Variants in PET117 observed in about 807,000 individuals in gnomAD.
PET117 encodes protein PET117 homolog, mitochondrial.
A neutral mutation model predicts 9.2 loss-of-function variants in PET117; 10 were observed. The observed-to-expected ratio is 1.09, with a 90% CI of 0.67 to 1.85. PET117 has a LOEUF of 1.85. Ranked by LOEUF, PET117 falls within the 40% of genes most tolerant of loss-of-function variation. The probability of loss-of-function intolerance (pLI) is 0.00; values close to 1 mark genes in which losing one functional copy is unlikely to be tolerated. For missense variants in PET117, 96 were observed against 98.2 expected (o/e 0.98, Z 0.09); for synonymous variants, 43 against 37.1 (o/e 1.16, Z -0.57).
At chr20:18,140,332 A>G (rs1600212213) in intron 1 of PET117, among the ~76,000 whole-genome samples, 1 of 152,234 alleles carries the variant, frequency 6.6e-6, no homozygotes, top group South Asian at 2.1e-4. Context: ...GTTGAGTTAT[A>G]TCAATCCCGG....
At chr20:18,138,295 G>C (rs1420012446) in intron 1 of PET117, 1 of 1,198,218 alleles carries the variant, frequency 8.3e-7, no homozygotes, top group African/African-American at 1.6e-5. Context: ...CCGGCTTAGC[G>C]CCTTTGGAGC....
At chr20:18,141,801 T>G (rs984805819) in intron 1 of PET117, among the ~76,000 whole-genome samples, 1 of 152,152 alleles carries the variant, frequency 6.6e-6, no homozygotes, top group Non-Finnish European at 1.5e-5. Flanking sequence ...GGAGAATCAC[T>G]TGAACCCAGG....
chr20:18,142,199 C>G lies in PET117; in HGVS notation c.97-9C>G, dbSNP rs749629494. ...GGATGTTACTGAAATCTGTTTCTTA[C>G]GTTTTTAGAGGCTTCGTGACGGAGT... is the stretch of plus-strand genomic sequence containing the variant. On this transcript the variant is annotated splice_polypyrimidine_tract_variant and intron_variant, in intron 1 of 1. Coordinates refer to ENST00000432901, the MANE Select transcript of PET117 (RefSeq NM_001164811.2). 29 of 1,535,446 alleles carry G rather than the reference C, an allele frequency of 1.9e-5. No homozygotes were observed. Among genetic ancestry groups the G allele is most frequent in the East Asian group, 2.4e-5 (1 of 40,892 alleles).
chr20:18,138,645 G>C (rs2037397238), intron 1 of PET117: 1 of 193,802 alleles, frequency 5.2e-6, no homozygotes, highest in Admixed American at 6.5e-5. Context: ...TAAATGAACA[G>C]TTTGCTATGG....
At chr20:18,138,460 C>T (rs1250420341) in intron 1 of PET117, 3 of 992,460 alleles carry the variant, frequency 3.0e-6, no homozygotes, top group Non-Finnish European at 3.6e-6. Context: ...GAAGGAGTTT[C>T]TTGGGGTGCA....
intron 1 of PET117, among the ~76,000 whole-genome samples, chr20:18,141,990 TAAG>T (rs535118802): frequency 1.3e-3 from 205 of 152,312 alleles, no homozygotes; most frequent in African/African-American, 4.4e-3. Context: ...TAAAATATGA[TAAG>T]AAATCATTTC....
chr20:18,139,039 A>C (rs1007136968), intron 1 of PET117, among the ~76,000 whole-genome samples: 16 of 152,168 alleles, frequency 1.1e-4, no homozygotes, highest in African/African-American at 3.9e-4. Context: ...TGATTTGCCT[A>C]CCCAGACCTT....
At chr20:18,138,322 C>T in intron 1 of PET117, 1 of 1,152,622 alleles carries the variant, frequency 8.7e-7, no homozygotes, top group Non-Finnish European at 1.1e-6. Context: ...CTGAAGGGGC[C>T]TTGCTCCGCA....
At chr20:18,140,269 T>C (rs983765838) in intron 1 of PET117, among the ~76,000 whole-genome samples, 9 of 151,986 alleles carry the variant, frequency 5.9e-5, no homozygotes, top group Admixed American at 4.6e-4. Context: ...CCTCCGTTTT[T>C]GTCTCAGTGG....
At position 18,142,731 on chromosome 20, in the gene PET117, C is replaced by T; in HGVS notation, c.*374C>T. On this transcript the variant is annotated 3_prime_UTR_variant, in exon 2 of 2. Transcript: ENST00000432901. ...GACGAAGCCACGAGAACATCGACCT[C>T]AGAAGGACTGGAGGAAGGTGAAGTG... 1 of 1,614,180 alleles carries T rather than the reference C, an allele frequency of 6.2e-7. No individual in the cohort carries two copies. Among genetic ancestry groups the T allele is most frequent in the East Asian group, 2.2e-5 (1 of 44,874 alleles).
chr20:18,140,788 C>T lies in PET117; in HGVS notation c.97-1420C>T, dbSNP rs561630327. On this transcript the variant is annotated intron_variant, in intron 1 of 1. Coordinates refer to ENST00000432901, the MANE Select transcript of PET117 (RefSeq NM_001164811.2). ...GATCGTGCCATGGAGCCAAGATCTC[C>T]AGCCTGGGTGACAGAACGAGACTCC... Among the ~76,000 whole-genome samples, 261 of 133,908 alleles carry T rather than the reference C, an allele frequency of 1.9e-3. 1 individual carries two copies. Among genetic ancestry groups the T allele is most frequent in the East Asian group, 9.3e-4 (4 of 4,282 alleles). The allele number at this position is 133,908 out of a possible 152,430, so 87.8% of individuals were successfully genotyped here.
rs911475101 is a variant in PET117, at chr20:18,143,154, T to C, written c.*797T>C. ...CACTTTTGGTGGTAACTCAATAAAA[T>C]TGAGAAAATTGGAAATCCTGTGTTA... is the stretch of plus-strand genomic sequence containing the variant. On this transcript the variant is annotated 3_prime_UTR_variant, in exon 2 of 2. Transcript: ENST00000432901. 21 of 1,243,800 alleles carry C rather than the reference T, an allele frequency of 1.7e-5. No individual in the cohort carries two copies. The highest frequency in any genetic ancestry group is 2.1e-5 in the Non-Finnish European group (21 of 989,418). 77.0% of individuals were successfully genotyped at this position (1,243,800 alleles called of 1,614,324 possible).
chr20:18,139,719 C>G (rs1356929439), intron 1 of PET117, among the ~76,000 whole-genome samples: 1 of 150,582 alleles, frequency 6.6e-6, no homozygotes, highest in Admixed American at 6.7e-5. Context: ...TAGGGGCTTA[C>G]ATTGTATTAA....
At chr20:18,141,051 T>TTTTTTTTTTTTTTTTTTTTG (rs58888387) in intron 1 of PET117, among the ~76,000 whole-genome samples, 9 of 109,712 alleles carry the variant, frequency 8.2e-5, no homozygotes, top group African/African-American at 1.1e-4. Flanking sequence ...TTTTTTATTT[T>TTTTTTTTTTTTTTTTTTTTG]TATTTTTGCT....
chr20:18,141,964 A>G (rs1169857210), intron 1 of PET117, among the ~76,000 whole-genome samples: 1 of 152,176 alleles, frequency 6.6e-6, no homozygotes, highest in East Asian at 1.9e-4. Flanking sequence ...TCTGTACTAA[A>G]TGTTCAGGAA....
intron 1 of PET117, 55 bp downstream of exon 1, chr20:18,138,106 G>A: frequency 2.0e-5 from 29 of 1,428,758 alleles, no homozygotes; most frequent in Non-Finnish European, 2.7e-5. Flanking sequence ...TCGACCTGGG[G>A]CCTCTCGTGG....
At chr20:18,141,064 A>T in intron 1 of PET117, among the ~76,000 whole-genome samples, 1 of 85,710 alleles carries the variant, frequency 1.2e-5, no homozygotes, top group Non-Finnish European at 2.3e-5. Flanking sequence ...TTTTTGCTAG[A>T]GATGGGATTT....
rs1480744962 is a variant in PET117, at chr20:18,142,326, T to A, written c.215T>A (p.Met72Lys). Residue 72 changes from methionine (M) to lysine (K), a missense_variant, in exon 2 of 2, where the codon ATG becomes AAG. Coordinates refer to ENST00000432901, the MANE Select transcript of PET117 (RefSeq NM_001164811.2). ...CAACTTGAAGCAGAAAGAGAGAAGA[T>A]GTTATTGGCAAAAGGATCTCAAAAA... ...TEQLEAEREKMLLAKGSQKS is the reference protein window; with the variant it reads ...TEQLEAEREKKLLAKGSQKS 1 of 1,536,676 alleles carries A rather than the reference T, an allele frequency of 6.5e-7. No homozygotes were observed. The highest frequency in any genetic ancestry group is 8.7e-7 in the Non-Finnish European group (1 of 1,146,652).
intron 1 of PET117, 154 bp downstream of exon 1, chr20:18,138,205 G>T: frequency 7.9e-7 from 1 of 1,268,588 alleles, no homozygotes; most frequent in Non-Finnish European, 9.9e-7. Context: ...GGCTGCGGCC[G>T]GCGGCCGCTC....
Sources: allele counts gnomAD v4.1 joint callset (sites outside exome capture counted in the v4.1 genomes callset), GRCh38; gene constraint gnomAD v4.1.1; transcripts MANE v1.5; gene names NCBI Gene and HGNC (gene_info 2026-07-23, HGNC 2026-07-21).